SAMMSON: variants seen among roughly 807,000 people sequenced by gnomAD.
SAMMSON encodes survival associated mitochondrial melanoma specific oncogenic non-coding RNA.
chr3:70,177,283 G>A (rs1265086020), intron 4 of SAMMSON, among the ~76,000 whole-genome samples: 3 of 152,164 alleles, frequency 2.0e-5, no homozygotes, highest in Non-Finnish European at 4.4e-5. Context: ...ACACTTCCCT[G>A]TGTGCTGAAA....
intron 2 of SAMMSON, among the ~76,000 whole-genome samples, chr3:70,432,380 T>G (rs1022724705): frequency 6.6e-6 from 1 of 151,740 alleles, no homozygotes; most frequent in Non-Finnish European, 1.5e-5. Context: ...TATATCTAGA[T>G]GCAATTCATT....
At chr3:70,341,359 A>G (rs1702709226) in intron 7 of SAMMSON, among the ~76,000 whole-genome samples, 1 of 152,126 alleles carries the variant, frequency 6.6e-6, no homozygotes, top group Admixed American at 6.6e-5. Flanking sequence ...AAGGCAACCA[A>G]GAATATTGTT....
chr3:70,323,268 TA>T (rs768798961), intron 7 of SAMMSON, among the ~76,000 whole-genome samples: 20 of 152,258 alleles, frequency 1.3e-4, no homozygotes, highest in African/African-American at 4.3e-4. Context: ...TTATGAAAGG[TA>T]AAATGAATGT....
intron 3 of SAMMSON, chr3:70,014,483 C>T (rs1224361033): frequency 6.6e-6 from 1 of 152,204 alleles, no homozygotes; most frequent in Non-Finnish European, 1.5e-5. Context: ...TCTTCAATGT[C>T]TTTGCCTGCA....
At chr3:70,350,168 A>T (rs1035769122) in intron 7 of SAMMSON, among the ~76,000 whole-genome samples, 20 of 152,226 alleles carry the variant, frequency 1.3e-4, no homozygotes, top group African/African-American at 4.6e-4. Flanking sequence ...GGGTGACTAA[A>T]ATCTCCAGAA....
chr3:70,279,348 C>A (rs1211570384), intron 6 of SAMMSON, among the ~76,000 whole-genome samples: 1 of 151,992 alleles, frequency 6.6e-6, no homozygotes, highest in Non-Finnish European at 1.5e-5. Context: ...GATTTGAAAC[C>A]AAATCCATTC....
intron 4 of SAMMSON, among the ~76,000 whole-genome samples, chr3:70,122,313 C>A (rs1400740011): frequency 6.6e-6 from 1 of 152,112 alleles, no homozygotes; most frequent in Non-Finnish European, 1.5e-5. Context: ...CTACCTCAGC[C>A]TCTTGAGTAG....
intron 1 of SAMMSON, among the ~76,000 whole-genome samples, chr3:70,005,004 C>T (rs534203002): frequency 8.5e-4 from 129 of 152,284 alleles, no homozygotes; most frequent in African/African-American, 3.0e-3. Flanking sequence ...TGGCAGAGCC[C>T]GGGCTGGAGC....
chr3:70,320,414 G>T (rs1326517451), intron 7 of SAMMSON, among the ~76,000 whole-genome samples: 1 of 152,040 alleles, frequency 6.6e-6, no homozygotes, highest in Non-Finnish European at 1.5e-5. Context: ...GATTGGATTT[G>T]CAAGTTTGTT....
chr3:70,342,274 T>C (rs989234688), intron 7 of SAMMSON, among the ~76,000 whole-genome samples: 2 of 152,196 alleles, frequency 1.3e-5, no homozygotes, highest in African/African-American at 2.4e-5. Context: ...GTGTCTATTA[T>C]AAGAAAGTTT....
At chr3:70,298,540 T>C (rs11711306) in intron 7 of SAMMSON, among the ~76,000 whole-genome samples, 1 of 152,176 alleles carries the variant, frequency 6.6e-6, no homozygotes, top group South Asian at 2.1e-4. Flanking sequence ...TTAATCACTG[T>C]GATCTACAGA....
chr3:70,407,817 AGGGGGCAGAGCCCCAGTG>A (rs1344956163), intron 2 of SAMMSON, among the ~76,000 whole-genome samples: 3 of 152,244 alleles, frequency 2.0e-5, no homozygotes, highest in Non-Finnish European at 4.4e-5. Context: ...GTGCCCCAGC[AGGGGGCAGAGCCCCAGTG>A]GGAGCTCTGA....
intron 2 of SAMMSON, among the ~76,000 whole-genome samples, chr3:70,429,801 T>C (rs778183446): frequency 1.3e-5 from 2 of 152,190 alleles, no homozygotes; most frequent in East Asian, 3.9e-4. Flanking sequence ...TGTGATTTTT[T>C]TGCACATTGA....
intron 9 of SAMMSON, among the ~76,000 whole-genome samples, chr3:70,382,629 A>G (rs185158157): frequency 1.3e-5 from 2 of 150,646 alleles, no homozygotes; most frequent in South Asian, 2.1e-4. Flanking sequence ...TCAAGCAGAT[A>G]GCAATTCTGT....
At chr3:70,246,693 A>T (rs1475087847) in intron 4 of SAMMSON, among the ~76,000 whole-genome samples, 4 of 152,084 alleles carry the variant, frequency 2.6e-5, no homozygotes, top group Non-Finnish European at 5.9e-5. Context: ...ACTAAAAAAA[A>T]TTATGGGCAC....
rs575298390 is a variant in SAMMSON at position 70,431,266 on chromosome 3, T to C, written n.234-31294T>C. On this transcript the variant is annotated intron_variant and non_coding_transcript_variant, in intron 2 of 3. Transcript: ENST00000641053. ...TTCAAATTTTACATTTTTAAGATAATAATAGTGGTAAAAATATAGCTTCTC... is the reference window on the plus strand; with the variant it reads ...TTCAAATTTTACATTTTTAAGATAACAATAGTGGTAAAAATATAGCTTCTC... Among the ~76,000 whole-genome samples the C allele has an allele frequency of 7.2e-5, 11 of 152,194 alleles. No individual in the cohort carries two copies. In the South Asian group the frequency reaches 2.3e-3, roughly 31 times the overall value.
At chr3:70,392,473 G>T (rs1003753062), downstream of SAMMSON, among the ~76,000 whole-genome samples, 2 of 152,124 alleles carry the variant, frequency 1.3e-5, no homozygotes, top group African/African-American at 4.8e-5. Context: ...CAGACCTCAG[G>T]ACTTTGCAGC....
intron 7 of SAMMSON, chr3:70,291,262 G>GA (rs1426879731): frequency 6.6e-6 from 1 of 151,928 alleles, no homozygotes; most frequent in Non-Finnish European, 1.5e-5. Flanking sequence ...CATTATCTAG[G>GA]ACTCTATTTT....
intron 3 of SAMMSON, chr3:70,014,674 C>T (rs1212298775): frequency 6.6e-6 from 1 of 152,154 alleles, no homozygotes; most frequent in African/African-American, 2.4e-5. Flanking sequence ...AGGGACAGAA[C>T]CAACCACCCT....
Sources: gnomAD v4.1 joint callset for allele counts (sites outside exome capture counted in the v4.1 genomes callset) on GRCh38, gnomAD v4.1.1 for gene constraint, MANE v1.5 for transcripts, NCBI Gene and HGNC (gene_info 2026-07-23, HGNC 2026-07-21) for gene names.